Variants in SPOCK3 observed in about 807,000 individuals in gnomAD.
SPOCK3 encodes SPARC (osteonectin), cwcv and kazal like domains proteoglycan 3.
In SPOCK3, 30 loss-of-function variants were observed where a neutral mutation model predicts 56.6. The ratio of observed to expected loss-of-function variants is 0.53; its 90% CI spans 0.40 to 0.72. SPOCK3 has a LOEUF of 0.72. Among genes scored for constraint, SPOCK3 ranks in the 30% least tolerant of loss-of-function variants. The probability of loss-of-function intolerance (pLI) is 0.00; values close to 1 mark genes in which losing one functional copy is unlikely to be tolerated. For synonymous variants in SPOCK3, 196 were observed against 183.3 expected (o/e 1.07, Z -0.56); for missense variants, 527 against 530.0 (o/e 0.99, Z 0.06).
At position 167,157,513 on chromosome 4, in the gene SPOCK3, T is replaced by C. The variant is rs573581813; in HGVS notation, c.189+76472A>G. Among the ~76,000 whole-genome samples, 5 of 151,926 alleles carry C rather than the reference T, an allele frequency of 3.3e-5. No individual in the cohort carries two copies. In the East Asian group the frequency reaches 7.7e-4, roughly 23 times the overall value. ...ACAGAAAAAAATGAGGTGGGGGTAG[T>C]TGGGGTGGGAGTTTCTGACATTAAA... On this transcript the variant is annotated intron_variant, in intron 2 of 10. Transcript: ENST00000357545.
chr4:167,046,813 A>C lies in SPOCK3; in HGVS notation c.235+15679T>G, dbSNP rs1580115302. 2.0e-5 allele frequency among the ~76,000 whole-genome samples: 3 copies of C among 152,210 alleles called. No individual in the cohort carries two copies. In the East Asian group the frequency reaches 5.8e-4, roughly 29 times the overall value. On this transcript the variant is annotated intron_variant, in intron 3 of 10. Transcript: ENST00000357545. ...AATTTATTGTAAGATAATTGTACAC[A>C]ATGAGCATGAAATAAACAATAGTGT...
chr4:167,199,805 C>T (rs866130507), intron 2 of SPOCK3, among the ~76,000 whole-genome samples: 3 of 150,236 alleles, frequency 2.0e-5, no homozygotes, highest in East Asian at 1.9e-4. Flanking sequence ...AATTTTTCTG[C>T]ACTTTCCTGT....
At chr4:167,093,186 C>G (rs535170406) in intron 2 of SPOCK3, among the ~76,000 whole-genome samples, 1 of 152,208 alleles carries the variant, frequency 6.6e-6, no homozygotes, top group East Asian at 1.9e-4. Flanking sequence ...CCATATTGCA[C>G]CATAATTACA....
At chr4:167,188,662 C>T (rs1258556854) in intron 2 of SPOCK3, among the ~76,000 whole-genome samples, 1 of 145,246 alleles carries the variant, frequency 6.9e-6, no homozygotes, top group East Asian at 2.1e-4. Context: ...AAACAAAAAC[C>T]AGTCAAAGCA....
chr4:167,052,839 T>C (rs1021220677), intron 3 of SPOCK3, among the ~76,000 whole-genome samples: 1 of 152,190 alleles, frequency 6.6e-6, no homozygotes, highest in Non-Finnish European at 1.5e-5. Flanking sequence ...TGATATTGTC[T>C]AATCTACATA....
chr4:166,778,477 G>T (rs1739812868), intron 7 of SPOCK3, among the ~76,000 whole-genome samples: 1 of 152,100 alleles, frequency 6.6e-6, no homozygotes, highest in Non-Finnish European at 1.5e-5. Context: ...TATTTTTAAA[G>T]TACTGTAATA....
intron 3 of SPOCK3, among the ~76,000 whole-genome samples, chr4:167,055,992 C>G (rs966654995): frequency 1.7e-4 from 26 of 152,230 alleles, no homozygotes; most frequent in African/African-American, 6.3e-4. Context: ...AACGGGCAGA[C>G]TGCCTCCTGA....
chr4:166,897,333 T>C (rs990439653), intron 5 of SPOCK3, among the ~76,000 whole-genome samples: 4 of 152,142 alleles, frequency 2.6e-5, no homozygotes, highest in Admixed American at 2.6e-4. Flanking sequence ...GTATTATCTA[T>C]TCAATTTTGT....
At chr4:166,999,510 A>G (rs1425644274) in intron 4 of SPOCK3, among the ~76,000 whole-genome samples, 1 of 152,138 alleles carries the variant, frequency 6.6e-6, no homozygotes, top group Admixed American at 6.6e-5. Context: ...CCAAAAATCC[A>G]ATTTTTCTCT....
chr4:167,145,163 C>T (rs915831549), intron 2 of SPOCK3, among the ~76,000 whole-genome samples: 8 of 151,884 alleles, frequency 5.3e-5, no homozygotes, highest in Non-Finnish European at 8.8e-5. Flanking sequence ...GAATATGCAC[C>T]ATTAAAGAGT....
intron 2 of SPOCK3, among the ~76,000 whole-genome samples, chr4:167,142,565 G>A (rs1439175517): frequency 6.6e-6 from 1 of 151,974 alleles, no homozygotes; most frequent in Admixed American, 6.6e-5. Context: ...ATTTTAGGAG[G>A]AATGCTTTGA....
chr4:167,056,021 G>C (rs539632244), intron 3 of SPOCK3, among the ~76,000 whole-genome samples: 1 of 152,180 alleles, frequency 6.6e-6, no homozygotes, highest in Non-Finnish European at 1.5e-5. Context: ...CCTGACAGCA[G>C]ACCCCCAAGC....
chr4:166,747,146 C>T (rs1735735672), intron 8 of SPOCK3, among the ~76,000 whole-genome samples: 1 of 152,164 alleles, frequency 6.6e-6, no homozygotes, highest in South Asian at 2.1e-4. Flanking sequence ...AGGTCAACAT[C>T]ATCCTGATAC....
intron 3 of SPOCK3, among the ~76,000 whole-genome samples, chr4:167,031,075 T>C (rs967151677): frequency 2.0e-5 from 3 of 152,048 alleles, no homozygotes; most frequent in Non-Finnish European, 4.4e-5. Context: ...AAAGTTAAAA[T>C]TTGGATTTAA....
At chr4:167,166,367 C>T (rs565840617) in intron 2 of SPOCK3, among the ~76,000 whole-genome samples, 5 of 152,114 alleles carry the variant, frequency 3.3e-5, no homozygotes, top group South Asian at 4.1e-4. Flanking sequence ...AGGCTACATA[C>T]ATTTTTTTTT....
intron 4 of SPOCK3, among the ~76,000 whole-genome samples, chr4:166,922,363 T>C (rs936448017): frequency 1.3e-5 from 2 of 152,184 alleles, no homozygotes; most frequent in Non-Finnish European, 2.9e-5. Context: ...GTCTAAGAAG[T>C]GATAAGGACA....
chr4:167,206,368 C>T (rs370793596), intron 2 of SPOCK3, among the ~76,000 whole-genome samples: 2 of 151,950 alleles, frequency 1.3e-5, no homozygotes, highest in African/African-American at 2.4e-5. Flanking sequence ...GTTGCATACA[C>T]AAATTGAACC....
At chr4:167,092,365 G>C (rs1758778474) in intron 2 of SPOCK3, among the ~76,000 whole-genome samples, 1 of 152,110 alleles carries the variant, frequency 6.6e-6, no homozygotes, top group African/African-American at 2.4e-5. Context: ...ATTTCCTTCT[G>C]TAACGAAGGG....
intron 8 of SPOCK3, among the ~76,000 whole-genome samples, chr4:166,752,567 TATATATACACACACAC>T (rs1201893611): frequency 0.029 from 3,215 of 111,362 alleles, 56 homozygotes; most frequent in South Asian, 0.068. Context: ...TATATATATA[TATATATACACACACAC>T]ACACACACAC....
Sources: gnomAD v4.1 joint callset for allele counts (sites outside exome capture counted in the v4.1 genomes callset) on GRCh38, gnomAD v4.1.1 for gene constraint, MANE v1.5 for transcripts, NCBI Gene and HGNC (gene_info 2026-07-23, HGNC 2026-07-21) for gene names.